PTPN4: variants seen among roughly 807,000 people sequenced by gnomAD.
PTPN4 encodes tyrosine-protein phosphatase non-receptor type 4.
In PTPN4, 49 loss-of-function variants were observed where a neutral mutation model predicts 135.5. The observed-to-expected ratio is 0.36, with a 90% CI of 0.29 to 0.46. PTPN4 has a LOEUF of 0.46. PTPN4 is among the 20% of genes least tolerant of loss of function. The pLI is 1.00. For missense variants in PTPN4, 860 were observed against 1,101.0 expected (o/e 0.78, Z 3.10); for synonymous variants, 333 against 369.9 (o/e 0.90, Z 1.14).
At chr2:119,855,062 A>G (rs1342194500) in intron 2 of PTPN4, among the ~76,000 whole-genome samples, 1 of 152,146 alleles carries the variant, frequency 6.6e-6, no homozygotes, top group Non-Finnish European at 1.5e-5. Context: ...TCATAATGGA[A>G]ATATTAAGTA....
chr2:119,938,504 T>C (rs748273070), intron 15 of PTPN4, among the ~76,000 whole-genome samples: 1 of 152,124 alleles, frequency 6.6e-6, no homozygotes, highest in Non-Finnish European at 1.5e-5. Context: ...CTTTAGTACA[T>C]TTTAGGCAAA....
intron 2 of PTPN4, among the ~76,000 whole-genome samples, chr2:119,838,518 C>T (rs1397088315): frequency 2.6e-5 from 4 of 152,218 alleles, no homozygotes; most frequent in Non-Finnish European, 5.9e-5. Flanking sequence ...CTTGTCTTAA[C>T]ATATCTCTCC....
intron 15 of PTPN4, 64 bp from the exon 16 acceptor site, chr2:119,945,017 G>C: frequency 7.0e-7 from 1 of 1,436,386 alleles, no homozygotes; most frequent in Non-Finnish European, 9.4e-7. Flanking sequence ...TAAATATGTG[G>C]GTTGCTTGAC....
chr2:119,842,469 A>G (rs573020275), intron 2 of PTPN4, among the ~76,000 whole-genome samples: 10 of 152,332 alleles, frequency 6.6e-5, no homozygotes, highest in African/African-American at 1.9e-4. Flanking sequence ...CAGCTTTATA[A>G]CAGTTATTAA....
At chr2:119,921,533 G>A (rs1678736647) in intron 12 of PTPN4, among the ~76,000 whole-genome samples, 1 of 151,644 alleles carries the variant, frequency 6.6e-6, no homozygotes, top group Non-Finnish European at 1.5e-5. Context: ...CAAAAGTTCA[G>A]TAGTAACAAT....
intron 12 of PTPN4, among the ~76,000 whole-genome samples, chr2:119,923,903 C>T (rs1574406376): frequency 6.6e-6 from 1 of 151,910 alleles, no homozygotes; most frequent in Non-Finnish European, 1.5e-5. Context: ...TTTGGGAGGT[C>T]GAGGCGGGCG....
rs1391435381 is a variant in PTPN4, at chr2:119,955,189, A to G, written c.1846A>G (p.Asn616Asp). Residue 616 changes from asparagine (N) to aspartate (D), a missense_variant, in exon 20 of 27, where the codon AAT becomes GAT. Physicochemically the swap from Asn to Asp is conservative, Grantham distance 23. This residue lies in a region of PTPN4 where 684 missense variants were observed against 807.0 expected (regional missense o/e 0.85). Coordinates refer to ENST00000263708, the MANE Select transcript of PTPN4 (RefSeq NM_002830.4). ...VYDVVEEKLE[N>D]EPDFQYIPEK... ...TGATGTAGTGGAAGAAAAGCTAGAA[A>G]ATGAGCCAGATTTCCAGTATATTCC... 6.2e-7 allele frequency: 1 copy of G among 1,611,658 alleles called. No homozygotes were observed. Among genetic ancestry groups the G allele is most frequent in the East Asian group, 2.2e-5 (1 of 44,858 alleles).
chr2:119,954,219 C>T (rs1292522256), intron 19 of PTPN4, among the ~76,000 whole-genome samples: 1 of 152,024 alleles, frequency 6.6e-6, no homozygotes, highest in African/African-American at 2.4e-5. Flanking sequence ...AAGGAGGAAC[C>T]AGATCTCTTA....
At chr2:119,898,782 C>A (rs1239873921) in intron 9 of PTPN4, among the ~76,000 whole-genome samples, 2 of 152,210 alleles carry the variant, frequency 1.3e-5, no homozygotes, top group Non-Finnish European at 2.9e-5. Context: ...TCTTACCCAA[C>A]TCTAGGAATG....
rs947329468 is a variant in PTPN4 at position 119,984,334 on chromosome 2, A to AG, written c.*7268dup. ...TAACAGGTGCTATTTGTAAATATGA[A>AG]GGGGAAAAGTCACTTAGTTAAAAGT... On this transcript the variant is annotated 3_prime_UTR_variant, in exon 27 of 27. Transcript: ENST00000263708. Among the ~76,000 whole-genome samples the AG allele has an allele frequency of 3.5e-4, 54 of 152,234 alleles. No individual in the cohort carries two copies. The highest frequency in any genetic ancestry group is 1.2e-3 in the Admixed American group (18 of 15,298).
intron 9 of PTPN4, among the ~76,000 whole-genome samples, chr2:119,895,782 G>A (rs1468963068): frequency 6.6e-6 from 1 of 151,882 alleles, no homozygotes; most frequent in Non-Finnish European, 1.5e-5. Context: ...TTAGCTGGGC[G>A]CGGTGGCGGG....
In PTPN4 at chr2:119,849,189, A is replaced by C. The variant is rs531701395; in HGVS notation, c.139-13347A>C. Among the ~76,000 whole-genome samples, 6 of 152,268 alleles carry C rather than the reference A, an allele frequency of 3.9e-5. No individual in the cohort carries two copies. The South Asian group carries it at 1.2e-3, about 32-fold the overall frequency. On this transcript the variant is annotated intron_variant, in intron 2 of 26. Transcript: ENST00000263708. Reference sequence around the variant, plus strand: ...GCTTTGAAGTATTGTTCAGTCTGACATGTAGGCCCTCTCACGAGCAGTTCC... The same window carrying C: ...GCTTTGAAGTATTGTTCAGTCTGACCTGTAGGCCCTCTCACGAGCAGTTCC...
chr2:119,835,708 A>G (rs761786168), intron 2 of PTPN4, among the ~76,000 whole-genome samples: 2 of 152,110 alleles, frequency 1.3e-5, no homozygotes, highest in Non-Finnish European at 2.9e-5. Context: ...AACCTATTAA[A>G]TAATTATGTT....
chr2:119,862,137 A>G (rs1018195968), intron 2 of PTPN4, among the ~76,000 whole-genome samples: 2 of 152,206 alleles, frequency 1.3e-5, no homozygotes, highest in African/African-American at 4.8e-5. Flanking sequence ...AAATATCGTG[A>G]TAGCCTGAAA....
rs1679066339 is a variant in PTPN4, at chr2:119,941,851, AT to A, written c.1356-3229del. On this transcript the variant is annotated intron_variant, in intron 15 of 26. Transcript: ENST00000263708. ...AGAGGTTAAAAGAGGTTATTCTCAA[AT>A]ACCTGTAGTCTTGCAAGTAGCACGG... 3.3e-5 allele frequency among the ~76,000 whole-genome samples: 5 copies of A among 152,274 alleles called. No individual in the cohort carries two copies. In the South Asian group the frequency reaches 1.0e-3, roughly 32 times the overall value.
At chr2:119,877,850 G>A (rs1477548629) in intron 5 of PTPN4, among the ~76,000 whole-genome samples, 1 of 151,846 alleles carries the variant, frequency 6.6e-6, no homozygotes, top group Non-Finnish European at 1.5e-5. Flanking sequence ...CATCAAATGT[G>A]CTGAAATTGT....
chr2:119,812,482 G>GC (rs1676907065), intron 2 of PTPN4, among the ~76,000 whole-genome samples: 1 of 152,154 alleles, frequency 6.6e-6, no homozygotes. Context: ...TCTCATCAAA[G>GC]CCGTTTCTGT....
Position 119,946,515 on chromosome 2 carries a change from A to T in PTPN4, c.1600-3A>T. On this transcript the variant is annotated splice_region_variant and splice_polypyrimidine_tract_variant and intron_variant, in intron 17 of 26. Coordinates refer to ENST00000263708, the MANE Select transcript of PTPN4 (RefSeq NM_002830.4). Reference sequence around the variant, plus strand: ...CTAACATTTTACTTATTCTCTTTTTAAGGGAGGATATGATCAGAAGATGCC... The same window carrying T: ...CTAACATTTTACTTATTCTCTTTTTTAGGGAGGATATGATCAGAAGATGCC... 3 of 1,607,972 alleles carry T rather than the reference A, an allele frequency of 1.9e-6. No individual in the cohort carries two copies. Among genetic ancestry groups the T allele is most frequent in the Non-Finnish European group, 2.6e-6 (3 of 1,176,344 alleles).
chr2:119,808,342 CA>C (rs1691518956), intron 1 of PTPN4, among the ~76,000 whole-genome samples: 1 of 152,094 alleles, frequency 6.6e-6, no homozygotes. Context: ...CATCTCAGCC[CA>C]AAATCTCCTT....
Sources: gnomAD v4.1 joint callset for allele counts (sites outside exome capture counted in the v4.1 genomes callset) on GRCh38, gnomAD v4.1.1 for gene constraint, gnomAD v4.1.1 regional missense constraint, MANE v1.5 for transcripts, NCBI Gene and HGNC (gene_info 2026-07-23, HGNC 2026-07-21) for gene names.